CYRIB: variants seen among roughly 807,000 people sequenced by gnomAD.
The protein encoded by CYRIB is CYFIP related Rac1 interactor B, also known as CYFIP-related Rac1 interactor B.
In CYRIB, 8 loss-of-function variants were observed where a neutral mutation model predicts 44.2. That is an observed-to-expected ratio of 0.18 (90% CI 0.11 to 0.33). The LOEUF (loss-of-function observed/expected upper bound fraction) is 0.33. CYRIB is among the 10% of genes least tolerant of loss of function. The probability of loss-of-function intolerance (pLI) is 1.00; values close to 1 mark genes in which losing one functional copy is unlikely to be tolerated. For synonymous variants in CYRIB, 131 were observed against 127.2 expected (o/e 1.03, Z -0.20); for missense variants, 185 against 382.8 (o/e 0.48, Z 4.31).
intron 6 of CYRIB, among the ~76,000 whole-genome samples, chr8:129,854,740 T>C (rs1235979122): frequency 6.6e-6 from 1 of 152,186 alleles, no homozygotes; most frequent in Non-Finnish European, 1.5e-5. Flanking sequence ...AACTATAAAA[T>C]GCTGAAGTTT....
chr8:129,855,481 T>G, intron 6 of CYRIB, 130 bp downstream of exon 8: 1 of 916,728 alleles, frequency 1.1e-6, no homozygotes, highest in African/African-American at 1.7e-5. Flanking sequence ...TAAATCCAGC[T>G]TTGCATTTTT....
chr8:129,958,351 T>C (rs1365791396), intron 2 of CYRIB, among the ~76,000 whole-genome samples: 2 of 152,184 alleles, frequency 1.3e-5, no homozygotes, highest in Non-Finnish European at 2.9e-5. Flanking sequence ...GCAAATCATC[T>C]TCCTGATCTG....
At chr8:129,996,367 A>C (rs1226737188) in intron 1 of CYRIB, among the ~76,000 whole-genome samples, 1 of 152,110 alleles carries the variant, frequency 6.6e-6, no homozygotes, top group East Asian at 1.9e-4. Flanking sequence ...TTCCTGGTTT[A>C]GATGTGAAAG....
rs35554242 is a variant in CYRIB, at chr8:129,937,881, T to TTCTCTCTC, written c.-50+1719_-50+1726dup. ...AGCAAAACTGTTCTGCAAATACACA[T>TTCTCTCTC]TCTCTCTCTCTCTCTCTCTCTCTCA... On this transcript the variant is annotated intron_variant, in intron 1 of 11. Transcript: ENST00000519824. Among the ~76,000 whole-genome samples the TTCTCTCTC allele has an allele frequency of 1.3e-4, 19 of 147,682 alleles. No homozygotes were observed. In the South Asian group the frequency reaches 1.7e-3, roughly 13 times the overall value.
intron 1 of CYRIB, among the ~76,000 whole-genome samples, chr8:129,932,915 A>AG (rs1440401727): frequency 2.8e-4 from 42 of 152,308 alleles, no homozygotes; most frequent in African/African-American, 9.4e-4. Context: ...ATTAATGTTT[A>AG]GAAACTGAGC....
chr8:129,863,469 G>A (rs1007106719), intron 4 of CYRIB, among the ~76,000 whole-genome samples: 1 of 151,660 alleles, frequency 6.6e-6, no homozygotes, highest in Admixed American at 6.6e-5. Context: ...AGGCTGCAGT[G>A]AGCCGAGATC....
intron 8 of CYRIB, chr8:129,851,458 G>C (rs566721507): frequency 1.3e-5 from 2 of 153,736 alleles, no homozygotes; most frequent in African/African-American, 4.8e-5. Context: ...TATTTTGGAG[G>C]GAAAGCCAAT....
intron 2 of CYRIB, among the ~76,000 whole-genome samples, chr8:129,902,518 C>T (rs1216546999): frequency 6.6e-6 from 1 of 152,138 alleles, no homozygotes; most frequent in East Asian, 1.9e-4. Context: ...CTGCGCCCAC[C>T]CTTGTTTTTG....
At chr8:130,000,115 T>C (rs540837207) in intron 1 of CYRIB, among the ~76,000 whole-genome samples, 1 of 152,262 alleles carries the variant, frequency 6.6e-6, no homozygotes, top group East Asian at 1.9e-4. Context: ...GCTCAGCAAG[T>C]AGCTGAGTTC....
intron 3 of CYRIB, among the ~76,000 whole-genome samples, chr8:129,875,269 CTT>C (rs879701258): frequency 7.2e-6 from 1 of 139,350 alleles, no homozygotes; most frequent in Admixed American, 7.2e-5. Flanking sequence ...CCATTCAGTG[CTT>C]TTTTTTTTTT....
chr8:129,965,593 G>A (rs1190586546), intron 2 of CYRIB, among the ~76,000 whole-genome samples: 11 of 151,790 alleles, frequency 7.2e-5, no homozygotes, highest in Non-Finnish European at 1.3e-4. Context: ...TCAGGAGATC[G>A]AGACCGTCCT....
At chr8:129,867,641 C>T (rs1203868513) in intron 4 of CYRIB, among the ~76,000 whole-genome samples, 5 of 151,726 alleles carry the variant, frequency 3.3e-5, no homozygotes, top group Non-Finnish European at 7.4e-5. Flanking sequence ...ATTATTAGTA[C>T]AGTGATAATA....
intron 1 of CYRIB, among the ~76,000 whole-genome samples, chr8:130,001,525 C>CTTTTTTTTTT (rs1325066581): frequency 3.3e-5 from 4 of 120,346 alleles, no homozygotes; most frequent in Non-Finnish European, 7.0e-5. Context: ...AAAATAATTT[C>CTTTTTTTTTT]TTTTTTTTTT....
chr8:129,940,715 A>C (rs781414118), upstream of CYRIB, among the ~76,000 whole-genome samples: 1 of 152,198 alleles, frequency 6.6e-6, no homozygotes. Flanking sequence ...TGACAATGTT[A>C]TCTCTCCCAG....
chr8:129,987,551 C>G (rs1001112052), intron 1 of CYRIB, among the ~76,000 whole-genome samples: 1 of 140,370 alleles, frequency 7.1e-6, no homozygotes, highest in South Asian at 2.2e-4. Context: ...TTTTCTTTTT[C>G]TTGTCTTTTT....
At chr8:129,993,861 CAAAA>C (rs113438463) in intron 1 of CYRIB, among the ~76,000 whole-genome samples, 4,921 of 140,802 alleles carry the variant, frequency 0.035, 102 homozygotes, top group Middle Eastern at 0.074. Flanking sequence ...GACCCTGTCT[CAAAA>C]AAAAAAAAAG....
chr8:129,855,870 T>G, intron 5 of CYRIB, 123 bp from the exon 8 acceptor site: 1 of 863,358 alleles, frequency 1.2e-6, no homozygotes, highest in Non-Finnish European at 1.7e-6. Context: ...ACAGATGATC[T>G]AAACATAATA....
At chr8:129,931,193 C>T (rs1345193633) in intron 1 of CYRIB, among the ~76,000 whole-genome samples, 1 of 151,844 alleles carries the variant, frequency 6.6e-6, no homozygotes, top group Non-Finnish European at 1.5e-5. Context: ...TTGAACATTC[C>T]CTTCACTAAC....
intron 11 of CYRIB, among the ~76,000 whole-genome samples, chr8:129,845,321 G>A (rs1309968663): frequency 1.3e-5 from 2 of 152,156 alleles, no homozygotes; most frequent in Non-Finnish European, 2.9e-5. Flanking sequence ...CAATCAGAAA[G>A]ACAAAGTCTT....
Sources: gnomAD v4.1 joint callset for allele counts (sites outside exome capture counted in the v4.1 genomes callset) on GRCh38, gnomAD v4.1.1 for gene constraint, MANE v1.5 for transcripts, NCBI Gene and HGNC (gene_info 2026-07-23, HGNC 2026-07-21) for gene names.